Variants in ZNF367 observed in about 807,000 individuals in gnomAD.
ZNF367 encodes zinc finger protein 367.
Under a neutral mutation model 31.8 loss-of-function variants are expected in ZNF367, and 11 were observed. The ratio of observed to expected loss-of-function variants is 0.35; its 90% CI spans 0.22 to 0.57. ZNF367 has a LOEUF of 0.57. ZNF367 is among the 20% of genes least tolerant of loss of function. The pLI is 0.85. For synonymous variants in ZNF367, 199 were observed against 202.4 expected, an observed-to-expected ratio of 0.98 and a Z score of 0.14; for missense variants, 353 against 484.1, an observed-to-expected ratio of 0.73 and a Z score of 2.54.
Position 96,394,851 on chromosome 9 carries a change from T to C in ZNF367, c.663A>G (p.Gly221=). The stretch of plus-strand genomic sequence containing the variant: ...TTTCTGAACAAACAAAAGGTTTCTC[T>C]CCGGTGTGAAGACGCTGATGTGTTT... The part of the protein sequence containing the change: ...QLKTHQRLHT[G]EKPFVCSENG... The change falls in exon 3 of 5, where the codon GGA becomes GGG. Residue 221 remains glycine (G), a synonymous_variant. Transcript: ENST00000375256. 1 of 1,614,100 alleles carries C rather than the reference T, an allele frequency of 6.2e-7. No individual in the cohort carries two copies. The highest frequency in any genetic ancestry group is 8.5e-7 in the Non-Finnish European group (1 of 1,179,968).
chr9:96,389,607 TCA>T (rs1365776166), intron 4 of ZNF367, among the ~76,000 whole-genome samples: 3 of 152,218 alleles, frequency 2.0e-5, no homozygotes, highest in Non-Finnish European at 4.4e-5. Flanking sequence ...GGAGATGGTG[TCA>T]CAGTATATAC....
chr9:96,410,561 CAA>C (rs35609930), intron 1 of ZNF367, among the ~76,000 whole-genome samples: 16 of 69,610 alleles, frequency 2.3e-4, no homozygotes, highest in African/African-American at 3.8e-4. Context: ...GACTCCGTCT[CAA>C]AAAAAAAAAA....
intron 1 of ZNF367, among the ~76,000 whole-genome samples, chr9:96,415,011 T>G (rs931730239): frequency 6.6e-6 from 1 of 152,080 alleles, no homozygotes; most frequent in Non-Finnish European, 1.5e-5. Flanking sequence ...AGACTAAAAC[T>G]TATAAATGGT....
chr9:96,403,461 AAATTC>A (rs1321677551), intron 1 of ZNF367, among the ~76,000 whole-genome samples: 4 of 152,232 alleles, frequency 2.6e-5, no homozygotes, highest in Admixed American at 6.5e-5. Flanking sequence ...ATCTCTATTA[AAATTC>A]CAGGGGTTTT....
chr9:96,388,097 T>C lies in ZNF367; in HGVS notation c.*140A>G. On this transcript the variant is annotated 3_prime_UTR_variant, in exon 5 of 5. Coordinates refer to ENST00000375256, the MANE Select transcript of ZNF367 (RefSeq NM_153695.4). ...TGCAGTTCTCTCTCACCCCATATTC[T>C]GGGGCAATAACATTCTTCATAAATT... 1.3e-6 allele frequency: 1 copy of C among 769,044 alleles called. No individual in the cohort carries two copies. The highest frequency in any genetic ancestry group is 2.0e-6 in the Non-Finnish European group (1 of 488,750). The allele number at this position is 769,044 out of a possible 1,614,324, so 47.6% of individuals were successfully genotyped here. A position where few individuals can be genotyped will look rare whatever the true frequency, so the allele number is the denominator to read the frequency against.
In ZNF367 at chr9:96,417,906, T is replaced by G. The variant is rs2131086464; in HGVS notation, c.127A>C (p.Thr43Pro). ...SVIRTTPIKP[T>P]CGGGGEPEPP... Reference sequence around the variant, plus strand: ...TCCGGCTCCCCTCCACCGCCGCACGTTGGCTTGATCGGGGTCGTCCTGATG... The same window carrying G: ...TCCGGCTCCCCTCCACCGCCGCACGGTGGCTTGATCGGGGTCGTCCTGATG... The change falls in exon 1 of 5, where the codon ACG becomes CCG. Residue 43 changes from threonine (T) to proline (P), a missense_variant. Transcript: ENST00000375256. The surrounding 1 kb of genome is among the most constrained non-coding windows in gnomAD (Gnocchi z 5.0). 2 of 1,510,452 alleles carry G rather than the reference T, an allele frequency of 1.3e-6. No individual in the cohort carries two copies. The highest frequency in any genetic ancestry group is 1.8e-6 in the Non-Finnish European group (2 of 1,136,108). The allele number at this position is 1,510,452 out of a possible 1,614,324, so 93.6% of individuals were successfully genotyped here. A position where few individuals can be genotyped will look rare whatever the true frequency, so the allele number is the denominator to read the frequency against.
intron 1 of ZNF367, chr9:96,407,262 T>C: frequency 7.3e-7 from 1 of 1,366,400 alleles, no homozygotes; most frequent in East Asian, 2.3e-5. Context: ...GGGCTGCTCC[T>C]GGCGGCTCTG....
rs1172940107 is a variant in ZNF367, at chr9:96,398,384, A to G, written c.421-70T>C. ...ACTCATTAAAGCAACGTATCATAATATAACTTTCAAAAATCTTTCTTGGGA... is the reference window on the plus strand; with the variant it reads ...ACTCATTAAAGCAACGTATCATAATGTAACTTTCAAAAATCTTTCTTGGGA... On this transcript the variant is annotated intron_variant, in intron 1 of 4. Coordinates refer to ENST00000375256, the MANE Select transcript of ZNF367 (RefSeq NM_153695.4). 3.6e-6 allele frequency: 5 copies of G among 1,407,818 alleles called. No individual in the cohort carries two copies. In the Admixed American group the frequency reaches 6.2e-5, roughly 18 times the overall value. 87.2% of individuals were successfully genotyped at this position (1,407,818 alleles called of 1,614,324 possible). A position where few individuals can be genotyped will look rare whatever the true frequency, so the allele number is the denominator to read the frequency against.
Position 96,417,641 on chromosome 9 carries a change from G to T in ZNF367, c.392C>A (p.Ala131Glu). 2.3e-6 allele frequency: 2 copies of T among 864,710 alleles called. No individual in the cohort carries two copies. Among genetic ancestry groups the T allele is most frequent in the Non-Finnish European group, 3.0e-6 (2 of 659,626 alleles). 53.6% of individuals were successfully genotyped at this position (864,710 alleles called of 1,614,324 possible). A position where few individuals can be genotyped will look rare whatever the true frequency, so the allele number is the denominator to read the frequency against. ...GAGGTGGCCGCTGTCTGGGCTGCTC[G>T]CTTCCTCCTCGTCCTCACCTCCCGA... ...AASGGEDEEE[A>E]SSPDSGHLKD... Residue 131 changes from alanine to glutamate, a missense_variant, in exon 1 of 5, where the codon GCG (alanine) becomes GAG (glutamate). By Grantham distance (107) the Ala-to-Glu change is moderately radical. Transcript: ENST00000375256. This position sits in a 1 kb window ranked among gnomAD's most constrained non-coding sequence, Gnocchi z 5.0.
intron 1 of ZNF367, among the ~76,000 whole-genome samples, chr9:96,401,597 C>T (rs571473311): frequency 2.0e-4 from 28 of 141,654 alleles, no homozygotes; most frequent in African/African-American, 7.3e-4. Context: ...GCAGAGGTTG[C>T]GGTGAGCCAA....
chr9:96,404,359 C>CT (rs1371890556), intron 1 of ZNF367, among the ~76,000 whole-genome samples: 2 of 152,108 alleles, frequency 1.3e-5, no homozygotes, highest in Non-Finnish European at 2.9e-5. Flanking sequence ...CTTTGAGAGG[C>CT]TGAGGCGAGT....
intron 3 of ZNF367, among the ~76,000 whole-genome samples, 166 bp downstream of exon 3, chr9:96,394,657 T>A (rs1831509167): frequency 6.6e-6 from 1 of 152,166 alleles, no homozygotes; most frequent in Admixed American, 6.5e-5. Context: ...AAATCAATCA[T>A]TTCTGAGAAA....
chr9:96,416,087 G>GTTT (rs34500193), intron 1 of ZNF367, among the ~76,000 whole-genome samples: 11 of 125,060 alleles, frequency 8.8e-5, no homozygotes, highest in Non-Finnish European at 1.5e-4. Context: ...TTTTTTTGTT[G>GTTT]TTTTTTTTTT....
intron 1 of ZNF367, among the ~76,000 whole-genome samples, chr9:96,400,087 A>G (rs1831583003): frequency 6.6e-6 from 1 of 152,220 alleles, no homozygotes; most frequent in Non-Finnish European, 1.5e-5. Context: ...AGGAGAAATT[A>G]ACACAAAGAG....
rs2131067705 is a variant in ZNF367 at position 96,386,399 on chromosome 9, A to G, written c.*1838T>C. 1 of 152,292 alleles carries G rather than the reference A, an allele frequency of 6.6e-6. No homozygotes were observed. Among genetic ancestry groups the G allele is most frequent in the Non-Finnish European group, 1.5e-5 (1 of 67,992 alleles). 9.4% of individuals were successfully genotyped at this position (152,292 alleles called of 1,614,324 possible). A position where few individuals can be genotyped will look rare whatever the true frequency, so the allele number is the denominator to read the frequency against. ...AAGTTGATCAAAGTTCAAATTTCCC[A>G]AGACTGATGAGTGTTGTTTTTAGTT... On this transcript the variant is annotated 3_prime_UTR_variant, in exon 5 of 5. Transcript: ENST00000375256.
At chr9:96,393,607 G>A (rs970882819) in intron 3 of ZNF367, among the ~76,000 whole-genome samples, 5 of 152,158 alleles carry the variant, frequency 3.3e-5, no homozygotes, top group African/African-American at 7.2e-5. Flanking sequence ...CAAGGTGGAC[G>A]AATCACCTGA....
intron 1 of ZNF367, among the ~76,000 whole-genome samples, chr9:96,414,150 T>C (rs983583493): frequency 6.6e-6 from 1 of 152,212 alleles, no homozygotes; most frequent in African/African-American, 2.4e-5. Context: ...TATTTTTTTC[T>C]TTTTCCTTCT....
At chr9:96,402,444 C>CTTTTTTT (rs1174997133) in intron 1 of ZNF367, among the ~76,000 whole-genome samples, 63 of 66,078 alleles carry the variant, frequency 9.5e-4, no homozygotes, top group African/African-American at 1.2e-3. Flanking sequence ...TTCTTTCTTT[C>CTTTTTTT]TTTTTTTTTT....
chr9:96,394,050 C>T (rs1334140818), intron 3 of ZNF367, among the ~76,000 whole-genome samples: 2 of 152,110 alleles, frequency 1.3e-5, no homozygotes, highest in African/African-American at 4.8e-5. Context: ...AAGAAAATCA[C>T]TTAGGATAAT....
Sources: gnomAD v4.1 joint callset for allele counts (sites outside exome capture counted in the v4.1 genomes callset) on GRCh38, gnomAD v4.1.1 for gene constraint, Gnocchi (gnomAD v3.1) non-coding constraint, MANE v1.5 for transcripts, NCBI Gene and HGNC (gene_info 2026-07-23, HGNC 2026-07-21) for gene names.